GSE1: variants seen among roughly 807,000 people sequenced by gnomAD.
GSE1 encodes the protein genetic suppressor element 1.
Under a neutral mutation model 112.6 loss-of-function variants are expected in GSE1, and 32 were observed. The ratio of observed to expected loss-of-function variants is 0.28; its 90% confidence interval spans 0.21 to 0.38. The LOEUF is 0.38. Ranked by LOEUF, GSE1 falls within the 10% of genes least tolerant of loss-of-function variation. The pLI is 1.00. For missense variants in GSE1, 2,348 were observed against 1,699.2 expected, an observed-to-expected ratio of 1.38 and a Z score of -6.71; for synonymous variants, 1,115 against 735.6, an observed-to-expected ratio of 1.52 and a Z score of -8.35.
chr16:85,356,537 G>C (rs949787327), intron 1 of GSE1, among the ~76,000 whole-genome samples: 1 of 152,254 alleles, frequency 6.6e-6, no homozygotes, highest in African/African-American at 2.4e-5. Context: ...ACTCTGGCCA[G>C]CTTGTGGCGT....
At chr16:85,468,336 A>C (rs1413209430) in intron 2 of GSE1, among the ~76,000 whole-genome samples, 3 of 48,270 alleles carry the variant, frequency 6.2e-5, no homozygotes, top group Non-Finnish European at 1.2e-4. Context: ...TTTTTTTTTG[A>C]GGTGGGGTCT....
At chr16:85,317,757 C>T (rs951833827) in intron 1 of GSE1, among the ~76,000 whole-genome samples, 3 of 152,176 alleles carry the variant, frequency 2.0e-5, no homozygotes, top group African/African-American at 7.2e-5. Flanking sequence ...TTTCCTGCCG[C>T]GCTGCCCACC....
At chr16:85,586,257 T>G (rs2046686809) in intron 1 of GSE1, among the ~76,000 whole-genome samples, 1 of 152,204 alleles carries the variant, frequency 6.6e-6, no homozygotes, top group Non-Finnish European at 1.5e-5. Flanking sequence ...TGAGGGCACA[T>G]TTTGTGGCAC....
chr16:85,666,431 TTC>T lies in GSE1; in HGVS notation c.3130+85_3130+86del, dbSNP rs1452849628. ...GCTGAGCGCCACAGCTGCTCAGCCG[TTC>T]AGCCGTGGGCACAAGTTTTTATAAA... On this transcript the variant is annotated intron_variant, in intron 13 of 15. Coordinates refer to ENST00000253458, the MANE Select transcript of GSE1 (RefSeq NM_014615.5). 15 of 1,364,344 alleles carry T rather than the reference TTC, an allele frequency of 1.1e-5. No homozygotes were observed. The Admixed American group carries it at 2.8e-4, about 25-fold the overall frequency. 84.5% of individuals were successfully genotyped at this position (1,364,344 alleles called of 1,614,324 possible). A position where few individuals can be genotyped will look rare whatever the true frequency, so the allele number is the denominator to read the frequency against.
Position 85,310,174 on chromosome 16 carries a change from C to T in GSE1, c.2284-47289C>T, listed in dbSNP as rs115869200. On this transcript the variant is annotated intron_variant, in intron 1 of 2. Transcript: ENST00000637419. The stretch of plus-strand genomic sequence containing the variant: ...GCCAGCTGCCCCCACCACCTGCTCC[C>T]GCTGGCGCCCCCACGCCCTGACCCA... Among the ~76,000 whole-genome samples, 1,249 of 152,248 alleles carry T rather than the reference C, an allele frequency of 8.2e-3. 23 individuals are homozygous for T. The highest frequency in any genetic ancestry group is 0.029 in the African/African-American group (1,190 of 41,550).
rs776203151 is a variant in GSE1, at chr16:85,675,660, A to C, written c.*3121A>C. ...GTAGCTCATAATACTGCCAAATCTC[A>C]AAAGTTAAGCTGAATTTCACACCAG... is the stretch of plus-strand genomic sequence containing the variant. On this transcript the variant is annotated 3_prime_UTR_variant, in exon 16 of 16. Transcript: ENST00000253458. 3.1e-4 allele frequency: 47 copies of C among 152,232 alleles called. No individual in the cohort carries two copies. Among genetic ancestry groups the C allele is most frequent in the Admixed American group, 3.0e-3 (46 of 15,288 alleles). The allele number at this position is 152,232 out of a possible 1,614,324, so 9.4% of individuals were successfully genotyped here.
At chr16:85,247,388 G>T (rs534780696) in intron 1 of GSE1, among the ~76,000 whole-genome samples, 1 of 152,230 alleles carries the variant, frequency 6.6e-6, no homozygotes, top group African/African-American at 2.4e-5. Flanking sequence ...TCAGAGCTCA[G>T]TGGGGTCCCT....
chr16:85,305,566 C>T lies in GSE1; in HGVS notation c.2284-51897C>T, dbSNP rs1002459110. ...TGCAGTCTCAGCTCACTGCAACCTCCGCCTCCTGGGTTCGAGCAATTCTCC... is the reference window on the plus strand; with the variant it reads ...TGCAGTCTCAGCTCACTGCAACCTCTGCCTCCTGGGTTCGAGCAATTCTCC... On this transcript the variant is annotated intron_variant, in intron 1 of 2. Transcript: ENST00000637419. 1.4e-4 allele frequency among the ~76,000 whole-genome samples: 21 copies of T among 152,190 alleles called. No individual in the cohort carries two copies. The East Asian group carries it at 2.1e-3, about 15-fold the overall frequency.
intron 2 of GSE1, among the ~76,000 whole-genome samples, chr16:85,472,011 G>A (rs369512179): frequency 4.6e-5 from 7 of 152,336 alleles, no homozygotes; most frequent in Admixed American, 2.6e-4. Flanking sequence ...TTTGTCCTGG[G>A]AGCTGTCCTG....
intron 1 of GSE1, among the ~76,000 whole-genome samples, chr16:85,203,686 G>T (rs986054620): frequency 5.9e-5 from 9 of 152,206 alleles, no homozygotes; most frequent in African/African-American, 2.2e-4. Flanking sequence ...CAATTCACCT[G>T]TCTCAAGTGT....
intron 2 of GSE1, among the ~76,000 whole-genome samples, chr16:85,635,704 G>T (rs73271261): frequency 1.9e-3 from 283 of 152,296 alleles, no homozygotes; most frequent in African/African-American, 6.3e-3. Context: ...CCGAGGCCAC[G>T]GGCGGCACGT....
Position 85,654,433 on chromosome 16 carries a change from C to T in GSE1, c.582C>T (p.Ser194=). The T allele has an allele frequency of 6.4e-7, 1 of 1,564,644 alleles. No individual in the cohort carries two copies. The highest frequency in any genetic ancestry group is 8.7e-7 in the Non-Finnish European group (1 of 1,153,664). ...GLSPSSVVQD[S]RFPPLNLQRP... is the part of the protein sequence containing the mutation. ...CCCCCAGCTCAGTTGTGCAGGATTC[C>T]CGCTTCCCGCCACTCAAGTAAGTTG... Residue 194 remains serine, a synonymous_variant, in exon 4 of 16, where the codon TCC becomes TCT. Coordinates refer to ENST00000253458, the MANE Select transcript of GSE1 (RefSeq NM_014615.5).
At chr16:85,202,343 G>A (rs921083190) in intron 1 of GSE1, among the ~76,000 whole-genome samples, 1 of 152,246 alleles carries the variant, frequency 6.6e-6, no homozygotes, top group Admixed American at 6.5e-5. Flanking sequence ...TGCCCCACAC[G>A]GCCTCCAGGG....
intron 2 of GSE1, among the ~76,000 whole-genome samples, chr16:85,454,807 C>G (rs1830690032): frequency 6.6e-6 from 1 of 152,144 alleles, no homozygotes; most frequent in Non-Finnish European, 1.5e-5. Context: ...ACGTCTCCTT[C>G]TCTGTTTCTT....
intron 2 of GSE1, among the ~76,000 whole-genome samples, chr16:85,547,606 T>C (rs2044744983): frequency 6.6e-6 from 1 of 152,114 alleles, no homozygotes; most frequent in African/African-American, 2.4e-5. Flanking sequence ...TGGGGCTAGG[T>C]GTGGTGGCTC....
Position 85,654,966 on chromosome 16 carries a change from C to A in GSE1, c.772C>A (p.His258Asn). 1.6e-5 allele frequency: 25 copies of A among 1,603,076 alleles called. No individual in the cohort carries two copies. Among genetic ancestry groups the A allele is most frequent in the Non-Finnish European group, 2.1e-5 (25 of 1,175,876 alleles). ...AYYHPSYLAP[H>N]PFPHPAFRMD... ...CTACCACCCCAGCTACCTGGCCCCA[C>A]ACCCCTTCCCCCACCCGGCCTTCAG... Residue 258 changes from histidine (H) to asparagine (N), a missense_variant, in exon 5 of 16, where the codon CAC becomes AAC. His to Asn is a moderately conservative substitution (Grantham distance 68, BLOSUM62 1). Coordinates refer to ENST00000253458, the MANE Select transcript of GSE1 (RefSeq NM_014615.5).
At chr16:85,552,549 G>A (rs535019843), upstream of GSE1, among the ~76,000 whole-genome samples, 2 of 148,070 alleles carry the variant, frequency 1.4e-5, no homozygotes, top group African/African-American at 4.9e-5. Flanking sequence ...AGCCAGGATG[G>A]TCTCGATCTC....
At chr16:85,504,229 A>C (rs1316509996) in intron 2 of GSE1, among the ~76,000 whole-genome samples, 1 of 152,192 alleles carries the variant, frequency 6.6e-6, no homozygotes, top group Non-Finnish European at 1.5e-5. Flanking sequence ...ACCGTCCCTG[A>C]GGGCCACCCC....
intron 1 of GSE1, among the ~76,000 whole-genome samples, chr16:85,590,565 G>A (rs751142782): frequency 1.1e-4 from 16 of 151,958 alleles, no homozygotes; most frequent in East Asian, 3.9e-4. Flanking sequence ...GACTGGGCCC[G>A]CGTGTGAATG....
Sources: allele counts gnomAD v4.1 joint callset (sites outside exome capture counted in the v4.1 genomes callset), GRCh38; gene constraint gnomAD v4.1.1; transcripts MANE v1.5; gene names NCBI Gene and HGNC (gene_info 2026-07-23, HGNC 2026-07-21).